TMEM217: variants seen among roughly 807,000 people sequenced by gnomAD.
TMEM217 encodes transmembrane protein 217.
For missense variants in TMEM217, 204 were observed against 248.8 expected (o/e 0.82, Z 1.21); for synonymous variants, 76 against 88.3 (o/e 0.86, Z 0.78).
At chr6:37,230,734 T>C (rs1445467969) in intron 1 of TMEM217, among the ~76,000 whole-genome samples, 1 of 152,216 alleles carries the variant, frequency 6.6e-6, no homozygotes, top group Admixed American at 6.5e-5. Flanking sequence ...TATGTAGTTA[T>C]AGAAGCCCTA....
intron 1 of TMEM217, among the ~76,000 whole-genome samples, chr6:37,228,969 C>A (rs1764014165): frequency 6.6e-6 from 1 of 151,746 alleles, no homozygotes; most frequent in South Asian, 2.1e-4. Context: ...TGCACTCCAG[C>A]CTGGGTGACA....
chr6:37,255,692 A>G (rs1765678993), intron 1 of TMEM217, among the ~76,000 whole-genome samples: 1 of 151,984 alleles, frequency 6.6e-6, no homozygotes, highest in Non-Finnish European at 1.5e-5. Flanking sequence ...TCAAAAAAAA[A>G]AAAAAAGGTC....
At chr6:37,219,186 C>T (rs981041996) in intron 1 of TMEM217, 145 bp from the exon 2 acceptor site, 7 of 729,336 alleles carry the variant, frequency 9.6e-6, no homozygotes, top group Non-Finnish European at 1.5e-5. Flanking sequence ...TGGGAAGACA[C>T]AGGCTGTTTA....
intron 1 of TMEM217, among the ~76,000 whole-genome samples, chr6:37,226,813 G>T (rs1763871412): frequency 2.0e-5 from 3 of 151,948 alleles, no homozygotes; most frequent in Admixed American, 6.6e-5. Flanking sequence ...TGATCCATCT[G>T]CCTTGGCCTC....
exon 2 of TMEM217, chr6:37,218,285 C>T (rs1763328719): frequency 8.2e-7 from 1 of 1,218,346 alleles, no homozygotes; most frequent in Admixed American, 3.0e-5. Flanking sequence ...TCTCCAGTCT[C>T]AGCCTCTCAA....
intron 1 of TMEM217, among the ~76,000 whole-genome samples, chr6:37,219,747 A>G (rs1763408128): frequency 6.6e-6 from 1 of 151,996 alleles, no homozygotes; most frequent in African/African-American, 2.4e-5. Context: ...AAAAAAAATT[A>G]TGCTGTTAAC....
exon 2 of TMEM217, chr6:37,218,536 G>A (rs145518085): frequency 6.2e-7 from 1 of 1,614,160 alleles, no homozygotes; most frequent in Non-Finnish European, 8.5e-7. Context: ...TTCGTCTCTT[G>A]TAGGAAATTA....
At chr6:37,257,196 A>AT (rs1483473975) in intron 1 of TMEM217, among the ~76,000 whole-genome samples, 2 of 152,232 alleles carry the variant, frequency 1.3e-5, no homozygotes, top group East Asian at 3.8e-4. Flanking sequence ...GATCATTTGA[A>AT]TTTTTAACCC....
intron 1 of TMEM217, 40 bp from the exon 2 acceptor site, chr6:37,219,081 G>A (rs1275157238): frequency 1.2e-5 from 19 of 1,536,312 alleles, no homozygotes; most frequent in Non-Finnish European, 1.6e-5. Flanking sequence ...TCTAGTTCCT[G>A]CCAACATGGT....
At chr6:37,238,074 A>G (rs1764584330) in intron 1 of TMEM217, among the ~76,000 whole-genome samples, 1 of 152,120 alleles carries the variant, frequency 6.6e-6, no homozygotes, top group Admixed American at 6.5e-5. Flanking sequence ...AAGTAAACAA[A>G]AGAGAGCCAT....
At chr6:37,212,850 G>T, downstream of TMEM217, 1 of 1,257,868 alleles carries the variant, frequency 7.9e-7, no homozygotes, top group African/African-American at 1.5e-5. Flanking sequence ...AGTCCACGTA[G>T]ATGCTGAACT....
At chr6:37,252,589 A>ACG in intron 1 of TMEM217, among the ~76,000 whole-genome samples, 1 of 29,618 alleles carries the variant, frequency 3.4e-5, no homozygotes, top group South Asian at 1.2e-3. Context: ...GTGTACGTGT[A>ACG]TGTGTGTGTG....
chr6:37,243,293 C>T (rs1254236854), intron 1 of TMEM217, among the ~76,000 whole-genome samples: 3 of 152,264 alleles, frequency 2.0e-5, no homozygotes, highest in South Asian at 2.1e-4. Context: ...ATAAGGTTTA[C>T]GTTTTCCAGC....
exon 4 of TMEM217, chr6:37,212,632 T>A (rs749905761): frequency 1.9e-6 from 1 of 525,404 alleles, no homozygotes; most frequent in South Asian, 1.5e-5. Context: ...CTTGAAGTGA[T>A]CTTTGATGAT....
At chr6:37,213,067 C>T, downstream of TMEM217, 1 of 1,033,824 alleles carries the variant, frequency 9.7e-7, no homozygotes, top group South Asian at 1.6e-5. Flanking sequence ...CCCCAAGTCA[C>T]TAGATATAAA....
intron 1 of TMEM217, among the ~76,000 whole-genome samples, chr6:37,219,465 G>A (rs1038943902): frequency 6.6e-6 from 1 of 152,214 alleles, no homozygotes; most frequent in Non-Finnish European, 1.5e-5. Context: ...TCTTAGCTGG[G>A]CACAGTGGCT....
At chr6:37,246,902 CA>C (rs61372547) in intron 1 of TMEM217, among the ~76,000 whole-genome samples, 118,446 of 142,042 alleles carry the variant, frequency 0.83, 49,136 homozygotes, top group Middle Eastern at 0.91. Flanking sequence ...GACTCTGTCT[CA>C]AAAAAAAAAA....
At chr6:37,257,157 G>C (rs1243658162) in intron 1 of TMEM217, among the ~76,000 whole-genome samples, 1 of 152,206 alleles carries the variant, frequency 6.6e-6, no homozygotes. Context: ...TAGTCAGAAA[G>C]TGAGAGTTAT....
intron 1 of TMEM217, among the ~76,000 whole-genome samples, chr6:37,252,832 G>A (rs1765520754): frequency 6.6e-6 from 1 of 151,424 alleles, no homozygotes; most frequent in Non-Finnish European, 1.5e-5. Flanking sequence ...TAGAGATGGG[G>A]TTTTGTCATG....
Sources: allele counts gnomAD v4.1 joint callset (sites outside exome capture counted in the v4.1 genomes callset), GRCh38; gene constraint gnomAD v4.1.1; transcripts MANE v1.5; gene names NCBI Gene and HGNC (gene_info 2026-07-23, HGNC 2026-07-21).